Variants in OSBP observed in about 807,000 individuals in gnomAD.
The protein encoded by OSBP is oxysterol-binding protein 1.
A neutral mutation model predicts 96.6 loss-of-function variants in OSBP; 32 were observed. The ratio of observed to expected loss-of-function variants is 0.33; its 90% CI spans 0.25 to 0.45. The LOEUF is 0.45. OSBP is among the 20% of genes least tolerant of loss of function. The probability of loss-of-function intolerance (pLI) is 1.00; values close to 1 mark genes in which losing one functional copy is unlikely to be tolerated. For synonymous variants in OSBP, 369 were observed against 389.6 expected, an observed-to-expected ratio of 0.95 and a Z score of 0.62; for missense variants, 653 against 1,029.7, an observed-to-expected ratio of 0.63 and a Z score of 5.01.
intron 1 of OSBP, among the ~76,000 whole-genome samples, chr11:59,614,892 T>C (rs771552170): frequency 9.2e-5 from 14 of 152,256 alleles, no homozygotes; most frequent in Non-Finnish European, 1.9e-4. Context: ...AACTTGGGAC[T>C]TCCACTGTAA....
intron 3 of OSBP, among the ~76,000 whole-genome samples, chr11:59,604,570 T>A (rs1045784629): frequency 1.3e-5 from 2 of 151,624 alleles, no homozygotes; most frequent in Non-Finnish European, 2.9e-5. Context: ...GGCATGGTGA[T>A]GTGCGCCTGT....
chr11:59,599,260 G>GATTTC (rs1387640373), intron 7 of OSBP, among the ~76,000 whole-genome samples: 2 of 152,330 alleles, frequency 1.3e-5, no homozygotes, highest in African/African-American at 4.8e-5. Context: ...GTAAATGAAA[G>GATTTC]AGTATCATTG....
At chr11:59,585,511 C>T (rs1422104569) in intron 9 of OSBP, among the ~76,000 whole-genome samples, 4 of 150,762 alleles carry the variant, frequency 2.7e-5, no homozygotes, top group Admixed American at 6.6e-5. Flanking sequence ...GGAGCCTCTC[C>T]GCCCAGCAGC....
At chr11:59,609,938 TC>T (rs1318760315) in intron 2 of OSBP, among the ~76,000 whole-genome samples, 4 of 152,188 alleles carry the variant, frequency 2.6e-5, no homozygotes, top group Non-Finnish European at 4.4e-5. Flanking sequence ...GGAATAATAT[TC>T]CCAAGACTGG....
intron 4 of OSBP, 45 bp from the exon 5 acceptor site, chr11:59,601,430 C>T (rs1860723252): frequency 7.1e-7 from 1 of 1,412,326 alleles, no homozygotes; most frequent in African/African-American, 1.4e-5. Context: ...TTATCTTTAC[C>T]AAATGTCTGA....
intron 9 of OSBP, among the ~76,000 whole-genome samples, chr11:59,590,378 G>A (rs960889893): frequency 6.6e-6 from 1 of 152,184 alleles, no homozygotes; most frequent in African/African-American, 2.4e-5. Context: ...ACAGCCTAGC[G>A]ATAATGACAG....
In OSBP at chr11:59,615,385, A is replaced by G; in HGVS notation, c.280T>C (p.Trp94Arg). 1 of 1,579,010 alleles carries G rather than the reference A, an allele frequency of 6.3e-7. No homozygotes were observed. Among genetic ancestry groups the G allele is most frequent in the Non-Finnish European group, 8.6e-7 (1 of 1,161,928 alleles). ...ATATAATTGGTCCATTTGAAGAGCC[A>G]GCCCTCTCGAGCCGAGCCCGAACCC... is the stretch of plus-strand genomic sequence containing the variant. ...AGGSGSAREG[W>R]LFKWTNYIKG... Residue 94 changes from tryptophan (W) to arginine (R), a missense_variant, in exon 1 of 14, where the codon TGG (tryptophan) becomes CGG (arginine). Around this residue, in one of 6 missense-constraint regions of OSBP, gnomAD observed 151 missense variants for 146.1 expected, o/e 1.03. Transcript: ENST00000263847.
Position 59,593,738 on chromosome 11 carries a change from G to C in OSBP, c.1558-14C>G. 1.9e-6 allele frequency: 3 copies of C among 1,613,708 alleles called. No individual in the cohort carries two copies. Among genetic ancestry groups the C allele is most frequent in the Non-Finnish European group, 2.5e-6 (3 of 1,179,750 alleles). On this transcript the variant is annotated splice_polypyrimidine_tract_variant and intron_variant, in intron 8 of 13. Coordinates refer to ENST00000263847, the MANE Select transcript of OSBP (RefSeq NM_002556.3). ...ATGATGACTCACCTTGAAGAAATCA[G>C]GTTCAAATTAAGACGGCAGAAAGGA...
chr11:59,587,638 C>G (rs184781194), intron 9 of OSBP, among the ~76,000 whole-genome samples: 7 of 152,314 alleles, frequency 4.6e-5, no homozygotes, highest in African/African-American at 1.4e-4. Context: ...CAATGAGATA[C>G]TACCTCACAT....
intron 9 of OSBP, among the ~76,000 whole-genome samples, chr11:59,589,927 G>C (rs897008301): frequency 6.6e-6 from 1 of 151,648 alleles, no homozygotes; most frequent in Non-Finnish European, 1.5e-5. Context: ...AGGTTGCAGT[G>C]AGCCGAGATT....
At position 59,575,717 on chromosome 11, in the gene OSBP, A is replaced by C. The variant is rs1323085578; in HGVS notation, c.*860T>G. On this transcript the variant is annotated 3_prime_UTR_variant, in exon 14 of 14. Transcript: ENST00000263847. The stretch of plus-strand genomic sequence containing the variant: ...AAATGGTACTGTGCCAGAAGAAGAG[A>C]AGCCAGAAAGACAATGAAGGATGGC... 6.6e-6 allele frequency: 1 copy of C among 152,378 alleles called. No homozygotes were observed. The highest frequency in any genetic ancestry group is 1.5e-5 in the Non-Finnish European group (1 of 68,034). The allele number at this position is 152,378 out of a possible 1,614,324, so 9.4% of individuals were successfully genotyped here.
chr11:59,593,848 C>A, intron 8 of OSBP, 124 bp from the exon 9 acceptor site: 1 of 1,432,550 alleles, frequency 7.0e-7, no homozygotes, highest in Non-Finnish European at 9.5e-7. Flanking sequence ...TAGGTGAATC[C>A]CAGAACCTCC....
At chr11:59,608,376 G>T in intron 3 of OSBP, 108 bp downstream of exon 3, 2 of 1,306,412 alleles carry the variant, frequency 1.5e-6, no homozygotes, top group South Asian at 1.3e-5. Context: ...AGTGAAGCAG[G>T]CCCTAATGTT....
Position 59,601,622 on chromosome 11 carries a change from G to A in OSBP, c.1021+18C>T. Reference sequence around the variant, plus strand: ...TGGCTCACCTTAGACCAGGCTACCTGAGAGCTAAGTGTCTTACCTTTACCA... The same window carrying A: ...TGGCTCACCTTAGACCAGGCTACCTAAGAGCTAAGTGTCTTACCTTTACCA... On this transcript the variant is annotated intron_variant, in intron 4 of 13. Coordinates refer to ENST00000263847, the MANE Select transcript of OSBP (RefSeq NM_002556.3). The A allele has an allele frequency of 6.2e-7, 1 of 1,610,966 alleles. No homozygotes were observed. The highest frequency in any genetic ancestry group is 1.7e-5 in the Admixed American group (1 of 60,006).
At chr11:59,602,352 G>A (rs1203230782) in intron 3 of OSBP, among the ~76,000 whole-genome samples, 1 of 152,136 alleles carries the variant, frequency 6.6e-6, no homozygotes, top group Non-Finnish European at 1.5e-5. Context: ...AGAAACAACT[G>A]ACCTTAAAAA....
At chr11:59,580,322 C>T in intron 10 of OSBP, 53 bp from the exon 11 acceptor site, 1 of 1,083,398 alleles carries the variant, frequency 9.2e-7, no homozygotes, top group Non-Finnish European at 1.4e-6. Context: ...TCAATGTCTG[C>T]CAAACCCATG....
At chr11:59,581,165 A>C (rs11230009) in intron 10 of OSBP, among the ~76,000 whole-genome samples, 2 of 152,214 alleles carry the variant, frequency 1.3e-5, no homozygotes, top group African/African-American at 4.8e-5. Flanking sequence ...AAGGATTAAG[A>C]GTTGGGGCCA....
chr11:59,600,747 A>G lies in OSBP; in HGVS notation c.1179+72T>C, dbSNP rs542299053. On this transcript the variant is annotated intron_variant, in intron 6 of 13. Coordinates refer to ENST00000263847, the MANE Select transcript of OSBP (RefSeq NM_002556.3). ...AATCAGTTTCTCTTAGCACTTCACA[A>G]AAAAAAAAAAAAAATCCTTGGGAAT... 3.6e-6 allele frequency: 4 copies of G among 1,115,614 alleles called. No individual in the cohort carries two copies. The African/African-American group carries it at 6.5e-5, about 18-fold the overall frequency. 69.1% of individuals were successfully genotyped at this position (1,115,614 alleles called of 1,614,324 possible).
intron 2 of OSBP, 47 bp from the exon 3 acceptor site, chr11:59,608,781 A>G: frequency 6.3e-7 from 1 of 1,589,010 alleles, no homozygotes; most frequent in Non-Finnish European, 8.6e-7. Flanking sequence ...ACCAGGAGTG[A>G]CAGTTGGAAC....
Sources: gnomAD v4.1 joint callset for allele counts (sites outside exome capture counted in the v4.1 genomes callset) on GRCh38, gnomAD v4.1.1 for gene constraint, gnomAD v4.1.1 regional missense constraint, MANE v1.5 for transcripts, NCBI Gene and HGNC (gene_info 2026-07-23, HGNC 2026-07-21) for gene names.